NCOA6: variants seen among roughly 807,000 people sequenced by gnomAD.
The protein encoded by NCOA6 is nuclear receptor coactivator 6.
In NCOA6, 49 loss-of-function variants were observed where a neutral mutation model predicts 171.4. That is an observed-to-expected ratio of 0.29 (90% CI 0.23 to 0.36). NCOA6 has a LOEUF of 0.36. NCOA6 is among the 10% of genes least tolerant of loss of function. The pLI, the probability that NCOA6 is intolerant of heterozygous loss-of-function variation, is 1.00. For synonymous variants in NCOA6, 910 were observed against 927.5 expected (o/e 0.98, Z 0.34); for missense variants, 2,248 against 2,554.5 (o/e 0.88, Z 2.59).
At chr20:34,736,075 CATG>C (rs1397639379) in intron 12 of NCOA6, among the ~76,000 whole-genome samples, 1 of 152,166 alleles carries the variant, frequency 6.6e-6, no homozygotes, top group Non-Finnish European at 1.5e-5. Flanking sequence ...CCATCATCCT[CATG>C]TATTCTGAGC....
At chr20:34,788,129 T>C (rs2077745228) in intron 2 of NCOA6, among the ~76,000 whole-genome samples, 2 of 151,706 alleles carry the variant, frequency 1.3e-5, no homozygotes, top group East Asian at 3.9e-4. Flanking sequence ...GGCCTCCTAC[T>C]GTACCTGGCC....
intron 9 of NCOA6, among the ~76,000 whole-genome samples, chr20:34,747,138 C>T (rs1366207065): frequency 6.6e-6 from 1 of 152,106 alleles, no homozygotes; most frequent in Non-Finnish European, 1.5e-5. Context: ...TTTAATCTAA[C>T]AGCACTGTAT....
chr20:34,820,901 A>T (rs2078988711), intron 1 of NCOA6: 2 of 152,246 alleles, frequency 1.3e-5, no homozygotes, highest in African/African-American at 4.8e-5. Context: ...CAATAAAAAA[A>T]ATGGCAAAAC....
intron 10 of NCOA6, 151 bp downstream of exon 10, chr20:34,746,656 G>A: frequency 1.1e-6 from 1 of 909,116 alleles, no homozygotes; most frequent in East Asian, 3.0e-5. Flanking sequence ...TTAATATCAA[G>A]GCAAAGCTTC....
intron 4 of NCOA6, among the ~76,000 whole-genome samples, chr20:34,770,248 C>G (rs2077108142): frequency 6.6e-6 from 1 of 152,100 alleles, no homozygotes; most frequent in Non-Finnish European, 1.5e-5. Context: ...CCATGTTTAC[C>G]AGGATGGTCT....
intron 2 of NCOA6, among the ~76,000 whole-genome samples, chr20:34,784,530 TTTC>T (rs1431769181): frequency 6.6e-6 from 1 of 152,120 alleles, no homozygotes; most frequent in African/African-American, 2.4e-5. Flanking sequence ...CCAACCAATT[TTTC>T]TTTTTTAAAT....
intron 5 of NCOA6, among the ~76,000 whole-genome samples, chr20:34,759,436 C>G (rs2076751701): frequency 1.3e-5 from 2 of 152,174 alleles, no homozygotes; most frequent in Non-Finnish European, 2.9e-5. Flanking sequence ...AAGCCCCCTA[C>G]TCCTTCCATT....
chr20:34,759,215 T>C (rs1054764941), intron 5 of NCOA6, among the ~76,000 whole-genome samples: 2 of 151,974 alleles, frequency 1.3e-5, no homozygotes, highest in African/African-American at 4.8e-5. Context: ...CTAATCGTTC[T>C]ATATTTTATA....
At chr20:34,716,658 G>A (rs761608582) in intron 14 of NCOA6, among the ~76,000 whole-genome samples, 7 of 152,106 alleles carry the variant, frequency 4.6e-5, no homozygotes, top group Non-Finnish European at 7.3e-5. Context: ...GACCAAGTGG[G>A]AGGATCACTT....
chr20:34,800,721 T>G (rs1601090627), intron 1 of NCOA6, among the ~76,000 whole-genome samples: 1 of 152,240 alleles, frequency 6.6e-6, no homozygotes, highest in East Asian at 1.9e-4. Context: ...AAGTAAATAT[T>G]ATTAGAGCCA....
chr20:34,719,515 C>T (rs1026888333), intron 14 of NCOA6, among the ~76,000 whole-genome samples: 1 of 151,892 alleles, frequency 6.6e-6, no homozygotes, highest in Non-Finnish European at 1.5e-5. Context: ...CCTGTAGTCC[C>T]AGCTATTCGG....
At chr20:34,740,248 A>C in intron 11 of NCOA6, 115 bp downstream of exon 11, 1 of 1,306,668 alleles carries the variant, frequency 7.7e-7, no homozygotes, top group South Asian at 1.5e-5. Flanking sequence ...AACTACTGCT[A>C]TTGCCATTTA....
At chr20:34,790,475 C>G (rs1266251595) in intron 2 of NCOA6, among the ~76,000 whole-genome samples, 1 of 152,038 alleles carries the variant, frequency 6.6e-6, no homozygotes, top group Non-Finnish European at 1.5e-5. Flanking sequence ...CTGCCTCAAC[C>G]TCCCGAGCAG....
intron 3 of NCOA6, among the ~76,000 whole-genome samples, chr20:34,778,009 G>A (rs967528779): frequency 6.6e-6 from 1 of 152,154 alleles, no homozygotes; most frequent in South Asian, 2.1e-4. Context: ...CCAGGTTCGA[G>A]CAATTCTCCT....
At chr20:34,759,025 ATTTG>A in intron 5 of NCOA6, 92 bp from the exon 6 acceptor site, 2 of 1,388,680 alleles carry the variant, frequency 1.4e-6, no homozygotes, top group African/African-American at 1.6e-5. Context: ...GATATGGAAA[ATTTG>A]TTTTTTTTTT....
At chr20:34,809,209 T>C (rs1019403431) in intron 1 of NCOA6, among the ~76,000 whole-genome samples, 1 of 152,380 alleles carries the variant, frequency 6.6e-6, no homozygotes, top group East Asian at 1.9e-4. Flanking sequence ...CCATATTACA[T>C]GTATTCAACA....
At chr20:34,725,949 G>A (rs1384434371) in intron 14 of NCOA6, among the ~76,000 whole-genome samples, 1 of 152,176 alleles carries the variant, frequency 6.6e-6, no homozygotes, top group East Asian at 1.9e-4. Context: ...TACTAAAGAA[G>A]AGGGGCATGA....
rs10531679 is a variant in NCOA6, at chr20:34,721,238, C to CAAAAAAAAAA, written c.6149-5883_6149-5874dup. The stretch of plus-strand genomic sequence containing the variant: ...CTCCCCTTCCCCTTCTTCCTCTATA[C>CAAAAAAAAAA]AAAAAAAAAAAAAAAAAAAAAAAAA... On this transcript the variant is annotated intron_variant, in intron 14 of 14. Coordinates refer to ENST00000359003, the MANE Select transcript of NCOA6 (RefSeq NM_014071.5). 1.4e-3 allele frequency among the ~76,000 whole-genome samples: 91 copies of CAAAAAAAAAA among 66,048 alleles called. 1 individual carries two copies. Among genetic ancestry groups the CAAAAAAAAAA allele is most frequent in the African/African-American group, 5.5e-3 (87 of 15,724 alleles). The allele number at this position is 66,048 out of a possible 152,430, so 43.3% of individuals were successfully genotyped here.
In NCOA6 at chr20:34,810,766, G is replaced by A. The variant is rs190852870; in HGVS notation, c.-164+14706C>T. 4.1e-3 allele frequency among the ~76,000 whole-genome samples: 630 copies of A among 151,926 alleles called. 2 individuals are homozygous for A. Among genetic ancestry groups the A allele is most frequent in the African/African-American group, 0.015 (601 of 41,444 alleles). The stretch of plus-strand genomic sequence containing the variant: ...AGAGTCGCGGTTTCACCGTGGTCTC[G>A]ATCTCCTGACCTTGTGATCTGCCCA... On this transcript the variant is annotated intron_variant, in intron 1 of 14. Coordinates refer to ENST00000359003, the MANE Select transcript of NCOA6 (RefSeq NM_014071.5).
Sources: gnomAD v4.1 joint callset for allele counts (sites outside exome capture counted in the v4.1 genomes callset) on GRCh38, gnomAD v4.1.1 for gene constraint, MANE v1.5 for transcripts, NCBI Gene and HGNC (gene_info 2026-07-23, HGNC 2026-07-21) for gene names.